The following PRUNE1 variants were observed in gnomAD, a reference collection of about 807,000 sequenced individuals.
PRUNE1 encodes the protein prune exopolyphosphatase 1.
In PRUNE1, 25 loss-of-function variants were observed where a neutral mutation model predicts 42.5. The ratio of observed to expected loss-of-function variants is 0.59; its 90% CI spans 0.43 to 0.82. The LOEUF (loss-of-function observed/expected upper bound fraction) is 0.82. Ranked by LOEUF, PRUNE1 falls within the 40% of genes least tolerant of loss-of-function variation. The pLI is 0.00. For missense variants in PRUNE1, 443 were observed against 539.3 expected, an observed-to-expected ratio of 0.82 and a Z score of 1.77; for synonymous variants, 203 against 217.1, an observed-to-expected ratio of 0.93 and a Z score of 0.57.
rs751268455 is a variant in PRUNE1 at position 151,017,910 on chromosome 1, TAA to T, written c.132+12_132+13del. 1.4e-5 allele frequency: 21 copies of T among 1,543,202 alleles called. No individual in the cohort carries two copies. In the Middle Eastern group the frequency reaches 1.0e-3, roughly 74 times the overall value. On this transcript the variant is annotated splice_region_variant and intron_variant, in intron 2 of 7. Coordinates refer to ENST00000271620, the MANE Select transcript of PRUNE1 (RefSeq NM_021222.3). ...TGGCTTTTTACCTAGCAAAGGTGGG[TAA>T]AAAAACGTAGTACCTAGGATCTGAG...
intron 2 of PRUNE1, 91 bp from the exon 3 acceptor site, chr1:151,018,376 C>G (rs375072822): frequency 3.6e-6 from 4 of 1,123,400 alleles, no homozygotes; most frequent in Non-Finnish European, 5.4e-6. Context: ...GGTAACTTAC[C>G]TAAGTATGTC....
At position 151,027,303 on chromosome 1, in the gene PRUNE1, TA is replaced by T. The variant is rs1674909383; in HGVS notation, c.751del (p.Ser251ValfsTer35). ...IYRQGVKVAI[S>X]AIYMDLEAFL... Reference sequence around the variant, plus strand: ...ATAGACAAGGCGTCAAGGTGGCCATTAGTGCAATATATATGGATTTGGAGGT... The same window carrying T: ...ATAGACAAGGCGTCAAGGTGGCCATTGTGCAATATATATGGATTTGGAGGT... On this transcript the variant is annotated frameshift_variant, in exon 6 of 8. Coordinates refer to ENST00000271620, the MANE Select transcript of PRUNE1 (RefSeq NM_021222.3). LOFTEE classifies it high-confidence loss of function. The T allele has an allele frequency of 6.2e-7, 1 of 1,607,632 alleles. No individual in the cohort carries two copies. Among genetic ancestry groups the T allele is most frequent in the African/African-American group, 1.3e-5 (1 of 74,736 alleles).
chr1:151,033,088 CTT>C (rs76163919), intron 7 of PRUNE1, among the ~76,000 whole-genome samples: 17 of 119,176 alleles, frequency 1.4e-4, no homozygotes, highest in East Asian at 2.7e-4. Flanking sequence ...GGATAACTTA[CTT>C]TTTTTTTTTT....
chr1:151,032,713 CAAAA>C (rs35078895), intron 7 of PRUNE1, among the ~76,000 whole-genome samples: 1 of 138,302 alleles, frequency 7.2e-6, no homozygotes. Context: ...GACTCTGTCT[CAAAA>C]AAAAAAAAAA....
chr1:151,022,458 G>T (rs187922202), intron 3 of PRUNE1, among the ~76,000 whole-genome samples: 4,432 of 135,938 alleles, frequency 0.033, 93 homozygotes, highest in Middle Eastern at 0.074. Flanking sequence ...TCGCTCTGTC[G>T]CCCAGGCTGG....
At chr1:151,020,875 G>C (rs894651973) in intron 3 of PRUNE1, among the ~76,000 whole-genome samples, 1 of 151,880 alleles carries the variant, frequency 6.6e-6, no homozygotes, top group Non-Finnish European at 1.5e-5. Flanking sequence ...CCAGCTACTC[G>C]GGAGTCTGAG....
intron 7 of PRUNE1, among the ~76,000 whole-genome samples, chr1:151,032,369 G>C (rs929395433): frequency 6.6e-6 from 1 of 152,074 alleles, no homozygotes; most frequent in South Asian, 2.1e-4. Flanking sequence ...GGGCAACATA[G>C]CAAGACCCCA....
chr1:151,022,699 A>C (rs1674551918), intron 3 of PRUNE1: 1 of 151,972 alleles, frequency 6.6e-6, no homozygotes, highest in Non-Finnish European at 1.5e-5. Context: ...TACAGATGTG[A>C]GCCACCATGC....
chr1:151,029,171 T>C (rs1553254348), intron 7 of PRUNE1, among the ~76,000 whole-genome samples: 1 of 151,076 alleles, frequency 6.6e-6, no homozygotes, highest in Non-Finnish European at 1.5e-5. Context: ...TCCTTAATCA[T>C]AGCATTGTTG....
chr1:151,014,270 C>T (rs1019829694), intron 1 of PRUNE1, among the ~76,000 whole-genome samples: 9 of 152,166 alleles, frequency 5.9e-5, no homozygotes, highest in Admixed American at 2.0e-4. Flanking sequence ...TAAGCCACCG[C>T]GCCCGGCCTG....
chr1:151,031,006 T>C (rs1675206282), intron 7 of PRUNE1, among the ~76,000 whole-genome samples: 1 of 152,156 alleles, frequency 6.6e-6, no homozygotes, highest in African/African-American at 2.4e-5. Flanking sequence ...TTACTAATCC[T>C]GTCAGTAAGA....
In PRUNE1 at chr1:151,008,451, C is replaced by G; in HGVS notation, c.-182C>G. The G allele has an allele frequency of 9.3e-7, 1 of 1,079,684 alleles. No individual in the cohort carries two copies. The allele number at this position is 1,079,684 out of a possible 1,614,324, so 66.9% of individuals were successfully genotyped here. A position where few individuals can be genotyped will look rare whatever the true frequency, so the allele number is the denominator to read the frequency against. On this transcript the variant is annotated 5_prime_UTR_variant, in exon 1 of 8. Coordinates refer to ENST00000271620, the MANE Select transcript of PRUNE1 (RefSeq NM_021222.3). The stretch of plus-strand genomic sequence containing the variant: ...GGGGCGACGCCGGACTCCGGAGCGC[C>G]CGCTTACGCAGTTCCTCCCGGGGTC...
intron 1 of PRUNE1, among the ~76,000 whole-genome samples, chr1:151,012,543 G>A (rs1673839682): frequency 6.6e-6 from 1 of 152,158 alleles, no homozygotes; most frequent in South Asian, 2.1e-4. Context: ...GTCTGTCTCA[G>A]AGCCACAAGT....
chr1:151,028,204 T>C (rs376250919), intron 6 of PRUNE1, among the ~76,000 whole-genome samples: 16 of 152,280 alleles, frequency 1.1e-4, no homozygotes, highest in African/African-American at 3.9e-4. Flanking sequence ...CTATCTCCTA[T>C]GCTCAAAAAA....
intron 3 of PRUNE1, among the ~76,000 whole-genome samples, chr1:151,021,946 GTA>G (rs1344569100): frequency 6.6e-6 from 1 of 150,534 alleles, no homozygotes; most frequent in Non-Finnish European, 1.5e-5. Flanking sequence ...GGGATTACAG[GTA>G]TGAGCCACCG....
Position 151,017,806 on chromosome 1 carries a change from C to T in PRUNE1, c.40-6C>T, listed in dbSNP as rs905310122. The T allele has an allele frequency of 6.4e-7, 1 of 1,556,940 alleles. No homozygotes were observed. Among genetic ancestry groups the T allele is most frequent in the African/African-American group, 1.4e-5 (1 of 73,590 alleles). On this transcript the variant is annotated splice_polypyrimidine_tract_variant and splice_region_variant and intron_variant, in intron 1 of 7. Transcript: ENST00000271620. ...TTGTTAGTTTCCCATTTTCCTTTCT[C>T]TCCAGGAGTCCCGACCTCTACATGT... is the stretch of plus-strand genomic sequence containing the variant.
At chr1:151,016,958 C>T (rs1343885822) in intron 1 of PRUNE1, among the ~76,000 whole-genome samples, 6 of 150,906 alleles carry the variant, frequency 4.0e-5, no homozygotes, top group African/African-American at 1.2e-4. Context: ...GTCGGGAGTT[C>T]GAGACCAGCC....
chr1:151,027,584 A>ATTTTT lies in PRUNE1; in HGVS notation c.774+271_774+275dup, dbSNP rs34162206. On this transcript the variant is annotated intron_variant, in intron 6 of 7. Coordinates refer to ENST00000271620, the MANE Select transcript of PRUNE1 (RefSeq NM_021222.3). ...GCAGCAGCCAGAGTGGTCTTTTTTA[A>ATTTTT]TTTTTTTTTTTTTTTTTTAAGGGAG... is the stretch of plus-strand genomic sequence containing the variant. Among the ~76,000 whole-genome samples the ATTTTT allele has an allele frequency of 2.3e-4, 31 of 134,992 alleles. 1 individual carries two copies. Among genetic ancestry groups the ATTTTT allele is most frequent in the African/African-American group, 7.6e-4 (27 of 35,352 alleles). The allele number at this position is 134,992 out of a possible 152,430, so 88.6% of individuals were successfully genotyped here. A position where few individuals can be genotyped will look rare whatever the true frequency, so the allele number is the denominator to read the frequency against.
intron 7 of PRUNE1, among the ~76,000 whole-genome samples, chr1:151,031,543 G>A (rs1258510988): frequency 1.3e-5 from 2 of 151,988 alleles, no homozygotes; most frequent in Non-Finnish European, 2.9e-5. Context: ...CTATGTTAGG[G>A]GTAGTATAAT....
Sources: allele counts gnomAD v4.1 joint callset (sites outside exome capture counted in the v4.1 genomes callset), GRCh38; gene constraint gnomAD v4.1.1; transcripts MANE v1.5; gene names NCBI Gene and HGNC (gene_info 2026-07-23, HGNC 2026-07-21).